The following VGLL1 variants were observed in gnomAD, a reference collection of about 807,000 sequenced individuals.
VGLL1 encodes the protein vestigial like family member 1, also known as transcription cofactor vestigial-like protein 1.
In VGLL1, 4 loss-of-function variants were observed where a neutral mutation model predicts 12.0. The observed-to-expected ratio is 0.33, with a 90% CI of 0.16 to 0.76. The LOEUF (loss-of-function observed/expected upper bound fraction) is 0.76. Among genes scored for constraint, VGLL1 ranks in the 30% least tolerant of loss-of-function variants. The probability of loss-of-function intolerance (pLI) is 0.60; values close to 1 mark genes in which losing one functional copy is unlikely to be tolerated. For synonymous variants in VGLL1, 87 were observed against 81.2 expected (o/e 1.07, Z -0.39); for missense variants, 204 against 208.7 (o/e 0.98, Z 0.14).
chrX:136,536,502 T>C (rs1456761559), intron 2 of VGLL1, among the ~76,000 whole-genome samples: 1 of 111,429 alleles, frequency 9.0e-6, no homozygotes, highest in Non-Finnish European at 1.9e-5. Context: ...TCCTGGCCTT[T>C]GCACAAACTG....
chrX:136,544,099 C>CT (rs1280912544), intron 2 of VGLL1, among the ~76,000 whole-genome samples: 1 of 111,839 alleles, frequency 8.9e-6, no homozygotes. Context: ...TTGTAACCTG[C>CT]TTTTTTAAAA....
At chrX:136,550,148 A>C (rs2075881681) in intron 3 of VGLL1, among the ~76,000 whole-genome samples, 1 of 112,693 alleles carries the variant, frequency 8.9e-6, no homozygotes, top group African/African-American at 3.2e-5. Context: ...AAATCATAGA[A>C]GTGTCATGTT....
rs2075876188 is a variant in VGLL1, at chrX:136,548,644, A to G, written c.270A>G (p.Gln90=). ...ACTCGTCTCCATGGACAAAGCCACA[A>G]CCAGAAGTACCTGTCACAAACCGTG... ...WRYSSPWTKP[Q]PEVPVTNRAA... The change falls in exon 3 of 5, where the codon CAA becomes CAG. Residue 90 remains glutamine (Q), a synonymous_variant. Coordinates refer to ENST00000370634, the MANE Select transcript of VGLL1 (RefSeq NM_016267.4). 5.0e-6 allele frequency: 6 copies of G among 1,212,119 alleles called. No individual in the cohort carries two copies. The highest frequency in any genetic ancestry group is 6.7e-6 in the Non-Finnish European group (6 of 895,593).
At chrX:136,532,468 C>T (rs1014445907) in intron 1 of VGLL1, among the ~76,000 whole-genome samples, 172 bp downstream of exon 1, 1 of 111,723 alleles carries the variant, frequency 9.0e-6, no homozygotes, top group Admixed American at 9.5e-5. Flanking sequence ...CACCCTACCC[C>T]AGACTGCTAG....
chrX:136,548,998 C>A lies in VGLL1; in HGVS notation c.624C>A (p.Gly208=), dbSNP rs2075877974. The A allele has an allele frequency of 8.3e-7, 1 of 1,205,249 alleles. No homozygotes were observed. The highest frequency in any genetic ancestry group is 2.2e-5 in the Admixed American group (1 of 45,591). The part of the protein sequence containing the change: ...STGLLFNLPP[G]SVHYKKLYVS... The stretch of plus-strand genomic sequence containing the variant: ...GGTTGCTCTTCAACCTGCCTCCCGG[C>A]TCAGTTCACTGTAAGGAAATGCCTA... The change falls in exon 3 of 5, where the codon GGC becomes GGA. Residue 208 remains glycine (G), a synonymous_variant. Transcript: ENST00000370634.
intron 1 of VGLL1, among the ~76,000 whole-genome samples, chrX:136,532,575 TTC>T (rs755073432): frequency 6.2e-4 from 4 of 6,456 alleles, no homozygotes; most frequent in Non-Finnish European, 1.1e-3. Context: ...GCTCAAATAT[TTC>T]TTTCTTTCTT....
rs770116386 is a variant in VGLL1, at chrX:136,553,196, C to A, written c.688+2375C>A. Among the ~76,000 whole-genome samples the A allele has an allele frequency of 2.7e-5, 3 of 110,450 alleles. No individual in the cohort carries two copies. In the East Asian group the frequency reaches 8.5e-4, roughly 31 times the overall value. Reference sequence around the variant, plus strand: ...GCATGACACCAGTCTCCCAATCTTGCCTGATGGTACGAACCACCTGGGGAG... The same window carrying A: ...GCATGACACCAGTCTCCCAATCTTGACTGATGGTACGAACCACCTGGGGAG... On this transcript the variant is annotated intron_variant, in intron 4 of 4. Coordinates refer to ENST00000370634, the MANE Select transcript of VGLL1 (RefSeq NM_016267.4).
At chrX:136,550,727 A>C (rs1243850688) in intron 3 of VGLL1, 41 bp from the exon 4 acceptor site, 7 of 1,140,804 alleles carry the variant, frequency 6.1e-6, no homozygotes, top group Admixed American at 2.2e-5. Flanking sequence ...ACCTAGTCCT[A>C]GAAATTTCAG....
At chrX:136,549,541 T>C (rs1489510751) in intron 3 of VGLL1, among the ~76,000 whole-genome samples, 1 of 110,521 alleles carries the variant, frequency 9.0e-6, no homozygotes, top group Non-Finnish European at 1.9e-5. Context: ...TAACAGTGCC[T>C]GACTGTCCTT....
chrX:136,556,283 C>T (rs910466767), intron 4 of VGLL1, among the ~76,000 whole-genome samples, 168 bp from the exon 5 acceptor site: 1 of 111,630 alleles, frequency 9.0e-6, no homozygotes, highest in Non-Finnish European at 1.9e-5. Context: ...ACTCTGTATC[C>T]AGAGCATTTC....
intron 1 of VGLL1, among the ~76,000 whole-genome samples, chrX:136,532,629 CTTTCTTTCTTTCTTTCTTTCT>C (rs1353740689): frequency 4.2e-5 from 4 of 94,174 alleles, no homozygotes; most frequent in Admixed American, 1.3e-4. Context: ...TTCTTTCTTT[CTTTCTTTCTTTCTTTCTTTCT>C]TTCTTTCTTT....
Position 136,556,598 on chromosome X carries a change from A to G in VGLL1, c.*59A>G. On this transcript the variant is annotated 3_prime_UTR_variant, in exon 5 of 5. Coordinates refer to ENST00000370634, the MANE Select transcript of VGLL1 (RefSeq NM_016267.4). ...AGACACGGCAGCAAGACATCCCTGC[A>G]TATTGTTCCAGATAAAAATGAAAGC... 9.4e-7 allele frequency: 1 copy of G among 1,064,380 alleles called. No homozygotes were observed. Among genetic ancestry groups the G allele is most frequent in the South Asian group, 1.9e-5 (1 of 52,272 alleles). The allele number at this position is 1,064,380 out of a possible 1,213,427, so 87.7% of individuals were successfully genotyped here.
At chrX:136,541,237 G>A (rs1238061807) in intron 2 of VGLL1, among the ~76,000 whole-genome samples, 1 of 112,137 alleles carries the variant, frequency 8.9e-6, no homozygotes, top group East Asian at 2.8e-4. Context: ...GTTGGGCATG[G>A]CCCTGTTCCT....
At chrX:136,532,435 A>C (rs944923598) in intron 1 of VGLL1, 139 bp downstream of exon 1, 3 of 111,743 alleles carry the variant, frequency 2.7e-5, no homozygotes, top group African/African-American at 9.8e-5. Context: ...GATTGGTTTG[A>C]CAAACTAACC....
At chrX:136,537,672 G>A (rs1014202601) in intron 2 of VGLL1, among the ~76,000 whole-genome samples, 5 of 110,671 alleles carry the variant, frequency 4.5e-5, no homozygotes, top group African/African-American at 6.6e-5. Context: ...AAATTTTCCC[G>A]CCTTAGCCTC....
At chrX:136,536,255 G>C in intron 2 of VGLL1, 21 bp downstream of exon 2, 5 of 1,184,399 alleles carry the variant, frequency 4.2e-6, no homozygotes, top group Non-Finnish European at 5.7e-6. Context: ...GGGGAGGGAG[G>C]GAGCTGGGAT....
chrX:136,548,892 A>C lies in VGLL1; in HGVS notation c.518A>C (p.Gln173Pro). 1 of 1,212,166 alleles carries C rather than the reference A, an allele frequency of 8.2e-7. No individual in the cohort carries two copies. Among genetic ancestry groups the C allele is most frequent in the Middle Eastern group, 2.3e-4 (1 of 4,355 alleles). ...CGTGAGCCTCTCCTAAGTCTCCTCC[A>C]GCAAGACAGATGCCTAGCCCGTCCT... is the stretch of plus-strand genomic sequence containing the variant. ...GKREPLLSLL[Q>P]QDRCLARPQE... The change falls in exon 3 of 5, where the codon CAG becomes CCG. Residue 173 changes from glutamine to proline, a missense_variant. Gln to Pro is a moderately conservative substitution (Grantham distance 76). Coordinates refer to ENST00000370634, the MANE Select transcript of VGLL1 (RefSeq NM_016267.4).
At chrX:136,548,537 C>T in intron 2 of VGLL1, 52 bp from the exon 3 acceptor site, 1 of 1,123,143 alleles carries the variant, frequency 8.9e-7, no homozygotes, top group East Asian at 3.0e-5. Context: ...AAACTACATC[C>T]ATTTTGAAAA....
chrX:136,549,733 G>C (rs193023235), intron 3 of VGLL1, among the ~76,000 whole-genome samples: 1 of 111,402 alleles, frequency 9.0e-6, no homozygotes, highest in African/African-American at 3.3e-5. Flanking sequence ...AGAAAACAAG[G>C]CTCCCTTCTT....
Sources: gnomAD v4.1 joint callset for allele counts (sites outside exome capture counted in the v4.1 genomes callset) on GRCh38, gnomAD v4.1.1 for gene constraint, MANE v1.5 for transcripts, NCBI Gene and HGNC (gene_info 2026-07-23, HGNC 2026-07-21) for gene names.